Variants in DST observed in about 807,000 individuals in gnomAD.
DST encodes bullous pemphigoid antigen.
DST carries 253 observed loss-of-function variants against 875.2 expected under a neutral mutation model. The ratio of observed to expected loss-of-function variants is 0.29; its 90% CI spans 0.26 to 0.32. The LOEUF (loss-of-function observed/expected upper bound fraction) is 0.32, where lower values mean the gene tolerates loss of function less well. Ranked by LOEUF, DST falls within the 10% of genes least tolerant of loss-of-function variation. The probability of loss-of-function intolerance (pLI) is 1.00; values close to 1 mark genes in which losing one functional copy is unlikely to be tolerated. For synonymous variants in DST, 3,124 were observed against 3,197.1 expected, an observed-to-expected ratio of 0.98 and a Z score of 0.77; for missense variants, 8,287 against 9,111.6, an observed-to-expected ratio of 0.91 and a Z score of 3.68.
intron 49 of DST, among the ~76,000 whole-genome samples, chr6:56,583,678 A>C (rs1021473718): frequency 6.6e-6 from 1 of 152,184 alleles, no homozygotes; most frequent in African/African-American, 2.4e-5. Flanking sequence ...GCCCATGCCT[A>C]TGTCCTGAAT....
intron 50 of DST, among the ~76,000 whole-genome samples, chr6:56,575,447 G>A (rs1462604130): frequency 5.3e-5 from 8 of 152,156 alleles, no homozygotes; most frequent in Admixed American, 1.3e-4. Context: ...GCAGGTTAGC[G>A]ACTTCTTAAT....
At chr6:56,535,994 T>C (rs73749960) in intron 62 of DST, among the ~76,000 whole-genome samples, 1,775 of 152,332 alleles carry the variant, frequency 0.012, 45 homozygotes, top group African/African-American at 0.041. Flanking sequence ...CACATATGTA[T>C]CAGACTTTAA....
intron 85 of DST, among the ~76,000 whole-genome samples, chr6:56,491,826 G>C (rs1000589708): frequency 3.3e-5 from 5 of 152,102 alleles, no homozygotes. Context: ...AAGAAAGTCT[G>C]GCTTAGGAAC....
chr6:56,954,684 G>T lies in DST; in HGVS notation c.-97C>A. 2.7e-6 allele frequency: 2 copies of T among 754,390 alleles called. No homozygotes were observed. The highest frequency in any genetic ancestry group is 3.3e-6 in the Non-Finnish European group (2 of 605,642). The allele number at this position is 754,390 out of a possible 1,614,324, so 46.7% of individuals were successfully genotyped here. A position where few individuals can be genotyped will look rare whatever the true frequency, so the allele number is the denominator to read the frequency against. The stretch of plus-strand genomic sequence containing the variant: ...ACGCCGGGACGGCGGGCACGGGTGA[G>T]CGCGGCTCAGCGCGTCATGCCTGGC... On this transcript the variant is annotated 5_prime_UTR_variant, in exon 1 of 104. Transcript: ENST00000680361.
chr6:56,626,244 A>G (rs1247932804), intron 34 of DST, among the ~76,000 whole-genome samples: 1 of 152,150 alleles, frequency 6.6e-6, no homozygotes, highest in African/African-American at 2.4e-5. Flanking sequence ...GGTGTACAGT[A>G]ATGTCCTAGG....
At chr6:56,600,246 T>C in intron 44 of DST, 25 bp from the exon 45 acceptor site, 1 of 1,604,542 alleles carries the variant, frequency 6.2e-7, no homozygotes, top group South Asian at 1.1e-5. Flanking sequence ...ACCCAAAACA[T>C]CTTAAATGTA....
intron 94 of DST, 31 bp downstream of exon 94, chr6:56,472,028 A>G (rs747186703): frequency 1.9e-6 from 3 of 1,610,596 alleles, no homozygotes; most frequent in African/African-American, 2.7e-5. Flanking sequence ...GGCAAATGAC[A>G]ATGTGGTGTT....
At chr6:56,946,505 G>C (rs1819558908) in intron 2 of DST, among the ~76,000 whole-genome samples, 1 of 152,140 alleles carries the variant, frequency 6.6e-6, no homozygotes, top group Non-Finnish European at 1.5e-5. Context: ...ATGTTTATAG[G>C]TAAGGGAAAG....
chr6:56,875,800 A>G (rs1344950458), intron 3 of DST, among the ~76,000 whole-genome samples: 1 of 152,122 alleles, frequency 6.6e-6, no homozygotes, highest in African/African-American at 2.4e-5. Flanking sequence ...TCTCCCTACC[A>G]TACTTGTATA....
chr6:56,796,483 T>C (rs2153013745), intron 4 of DST, among the ~76,000 whole-genome samples: 1 of 152,192 alleles, frequency 6.6e-6, no homozygotes, highest in Middle Eastern at 3.4e-3. Flanking sequence ...AGAGAGGAAA[T>C]CCAATACACA....
At chr6:56,485,563 T>C in intron 87 of DST, 92 bp from the exon 88 acceptor site, 1 of 1,238,402 alleles carries the variant, frequency 8.1e-7, no homozygotes, top group Non-Finnish European at 1.1e-6. Flanking sequence ...GGTTGAGTGG[T>C]ACTCAAGGGG....
At chr6:56,697,853 G>GACATTA (rs1350808073) in intron 9 of DST, among the ~76,000 whole-genome samples, 1 of 152,162 alleles carries the variant, frequency 6.6e-6, no homozygotes, top group Non-Finnish European at 1.5e-5. Flanking sequence ...AATGATCCCT[G>GACATTA]ACAAAGCCAC....
intron 2 of DST, among the ~76,000 whole-genome samples, chr6:56,908,098 T>TATATATATATATATATATACACACAC (rs148958146): frequency 2.7e-5 from 4 of 150,498 alleles, no homozygotes; most frequent in African/African-American, 9.8e-5. Flanking sequence ...TATATATATA[T>TATATATATATATATATATACACACAC]ACACACACAC....
At chr6:56,945,322 G>A (rs559499537) in intron 2 of DST, among the ~76,000 whole-genome samples, 17 of 152,290 alleles carry the variant, frequency 1.1e-4, no homozygotes, top group South Asian at 8.3e-4. Flanking sequence ...GGAATACAAC[G>A]AAAGGCAGAG....
chr6:56,855,189 C>A (rs981096796), intron 3 of DST, among the ~76,000 whole-genome samples: 1 of 152,178 alleles, frequency 6.6e-6, no homozygotes, highest in African/African-American at 2.4e-5. Context: ...CACTTAAAAT[C>A]ATCAATAGGT....
chr6:56,616,458 G>T, intron 36 of DST: 1 of 1,614,050 alleles, frequency 6.2e-7, no homozygotes, highest in Non-Finnish European at 8.5e-7. Context: ...GAAATTCTAT[G>T]TGTTTTCTTG....
intron 3 of DST, among the ~76,000 whole-genome samples, chr6:56,893,158 T>A (rs573705740): frequency 1.3e-5 from 2 of 152,300 alleles, no homozygotes; most frequent in Non-Finnish European, 2.9e-5. Context: ...GCCCTCCTCA[T>A]ACTCTTCCTC....
chr6:56,811,082 G>A (rs1463209738), intron 4 of DST, among the ~76,000 whole-genome samples: 4 of 151,246 alleles, frequency 2.6e-5, no homozygotes, highest in Non-Finnish European at 5.9e-5. Context: ...TACTTGGGAG[G>A]CTGAGGTGGG....
intron 16 of DST, 148 bp from the exon 17 acceptor site, chr6:56,642,249 T>A (rs944716502): frequency 1.1e-6 from 1 of 877,430 alleles, no homozygotes; most frequent in African/African-American, 1.7e-5. Context: ...CCTCTTCTTG[T>A]CTCTCAAGAG....
Sources: allele counts gnomAD v4.1 joint callset (sites outside exome capture counted in the v4.1 genomes callset), GRCh38; gene constraint gnomAD v4.1.1; transcripts MANE v1.5; gene names NCBI Gene and HGNC (gene_info 2026-07-23, HGNC 2026-07-21).